The following SRRM1 variants were observed in gnomAD, a reference collection of about 807,000 sequenced individuals.
The protein encoded by SRRM1 is serine and arginine repetitive matrix 1.
A neutral mutation model predicts 110.2 loss-of-function variants in SRRM1; 19 were observed. That is an observed-to-expected ratio of 0.17 (90% CI 0.12 to 0.25). The LOEUF (loss-of-function observed/expected upper bound fraction) is 0.25, where lower values mean the gene tolerates loss of function less well. Ranked by LOEUF, SRRM1 falls within the 10% of genes least tolerant of loss-of-function variation. The pLI, the probability that SRRM1 is intolerant of heterozygous loss-of-function variation, is 1.00. For synonymous variants in SRRM1, 443 were observed against 414.9 expected (o/e 1.07, Z -0.82); for missense variants, 918 against 1,145.8 (o/e 0.80, Z 2.87).
At chr1:24,669,839 T>C in intron 14 of SRRM1, 1 of 559,676 alleles carries the variant, frequency 1.8e-6, no homozygotes, top group Non-Finnish European at 3.1e-6. Context: ...AAACTAAACT[T>C]GAGTAAGACA....
At chr1:24,657,379 T>G (rs1357483970) in intron 9 of SRRM1, among the ~76,000 whole-genome samples, 1 of 152,222 alleles carries the variant, frequency 6.6e-6, no homozygotes, top group Non-Finnish European at 1.5e-5. Flanking sequence ...AGTGAATACT[T>G]TTCACAACTT....
intron 8 of SRRM1, among the ~76,000 whole-genome samples, chr1:24,654,624 CACAG>C (rs1397236293): frequency 6.6e-6 from 1 of 152,132 alleles, no homozygotes; most frequent in African/African-American, 2.4e-5. Flanking sequence ...GGAGAGAGAA[CACAG>C]ACAGAAGTAT....
intron 5 of SRRM1, 127 bp from the exon 6 acceptor site, chr1:24,651,282 T>C: frequency 1.1e-5 from 8 of 745,444 alleles, no homozygotes; most frequent in Middle Eastern, 3.5e-4. Context: ...GCATGTCTTA[T>C]TTCCATAGGG....
intron 9 of SRRM1, 28 bp downstream of exon 9, chr1:24,655,157 GTCTC>G (rs773044565): frequency 2.5e-6 from 4 of 1,609,050 alleles, no homozygotes; most frequent in East Asian, 4.5e-5. Flanking sequence ...ATGAAACATG[GTCTC>G]TCTTTCTTTG....
At chr1:24,668,019 C>G (rs1670910059) in intron 13 of SRRM1, among the ~76,000 whole-genome samples, 2 of 125,120 alleles carry the variant, frequency 1.6e-5, no homozygotes, top group South Asian at 5.1e-4. Context: ...GTCACCCAGG[C>G]TGGAGTGCAG....
Position 24,655,002 on chromosome 1 carries a change from G to T in SRRM1, c.1188G>T (p.Arg396Ser). 1 of 1,614,094 alleles carries T rather than the reference G, an allele frequency of 6.2e-7. No homozygotes were observed. The highest frequency in any genetic ancestry group is 8.5e-7 in the Non-Finnish European group (1 of 1,180,030). Residue 396 changes from arginine (R) to serine (S), a missense_variant, in exon 9 of 17, where the codon AGG becomes AGT. Physicochemically the swap from Arg to Ser is moderately radical, Grantham distance 110. Transcript: ENST00000323848. ...TATCTCCTTCAGCAAGTCCTCCAAG[G>T]CGAAGGCACAGGCCATCACCTCCTG... is the stretch of plus-strand genomic sequence containing the variant. ...RRLSPSASPP[R>S]RRHRPSPPAT...
rs1395831203 is a variant in SRRM1, at chr1:24,646,553, A to C, written c.112-114A>C. The C allele has an allele frequency of 1.6e-5, 14 of 869,304 alleles. No homozygotes were observed. The East Asian group carries it at 1.6e-4, about 10-fold the overall frequency. The allele number at this position is 869,304 out of a possible 1,614,324, so 53.8% of individuals were successfully genotyped here. ...AAAAAAAAAAAAATTAGCAGATTCT[A>C]CTATGCCAAACAAAAAAACTAAGCT... On this transcript the variant is annotated intron_variant, in intron 2 of 16. Coordinates refer to ENST00000323848, the MANE Select transcript of SRRM1 (RefSeq NM_005839.4).
rs113328642 is a variant in SRRM1 at position 24,646,643 on chromosome 1, T to TTAA, written c.112-22_112-20dup. The TTAA allele has an allele frequency of 6.3e-3, 9,776 of 1,559,508 alleles. 510 individuals carry two copies. The African/African-American group carries it at 0.12, about 19-fold the overall frequency. ...TTTTTTTAGGATTGTGAAGTTGTAC[T>TTAA]TAATTGTTTCTATGTTTCATCAGGT... On this transcript the variant is annotated intron_variant, in intron 2 of 16. Transcript: ENST00000323848.
Position 24,650,010 on chromosome 1 carries a change from G to A in SRRM1, c.445G>A (p.Glu149Lys). Residue 149 changes from glutamate to lysine, a missense_variant, in exon 5 of 17, where the codon GAA (glutamate) becomes AAA (lysine). Glu to Lys is a moderately conservative substitution (Grantham distance 56). Around this residue, in one of 5 missense-constraint regions of SRRM1, gnomAD observed 456 missense variants for 453.5 expected, o/e 1.01. Transcript: ENST00000323848. ...ACTGGCATCTATGAAAAAGCAAGAT[G>A]AAGACAAAGATAAAAGAGATAAGGA... is the stretch of plus-strand genomic sequence containing the variant. ...EKLASMKKQD[E>K]DKDKRDKEEK... is the part of the protein sequence containing the mutation. 2 of 1,595,286 alleles carry A rather than the reference G, an allele frequency of 1.3e-6. No individual in the cohort carries two copies. Among genetic ancestry groups the A allele is most frequent in the African/African-American group, 1.3e-5 (1 of 74,222 alleles).
At chr1:24,647,432 G>A (rs951213000) in intron 3 of SRRM1, 30 of 152,406 alleles carry the variant, frequency 2.0e-4, no homozygotes, top group African/African-American at 6.3e-4. Context: ...TTTAGAGACA[G>A]GATTTTTGTT....
chr1:24,671,561 A>C lies in SRRM1; in HGVS notation c.2576A>C (p.Gln859Pro). 1.3e-6 allele frequency: 2 copies of C among 1,599,040 alleles called. No homozygotes were observed. The highest frequency in any genetic ancestry group is 1.7e-6 in the Non-Finnish European group (2 of 1,175,740). Residue 859 changes from glutamine to proline, a missense_variant, in exon 16 of 17, where the codon CAG becomes CCG. Physicochemically the swap from Gln to Pro is moderately conservative, Grantham distance 76. Transcript: ENST00000323848. ...AIAAATTTLA[Q>P]EEPVAAPEPK... ...GCAGCTGCCACAACCACATTAGCAC[A>C]GGAAGAGCCAGTGGCAGCGCCAGAG... is the stretch of plus-strand genomic sequence containing the variant.
intron 9 of SRRM1, among the ~76,000 whole-genome samples, chr1:24,657,133 T>C (rs1448798011): frequency 1.3e-5 from 2 of 152,108 alleles, no homozygotes; most frequent in Non-Finnish European, 2.9e-5. Flanking sequence ...CGGGCTGGAG[T>C]GCAGTGGCCC....
intron 9 of SRRM1, among the ~76,000 whole-genome samples, chr1:24,658,073 A>G (rs888409716): frequency 6.6e-6 from 1 of 152,218 alleles, no homozygotes; most frequent in Non-Finnish European, 1.5e-5. Flanking sequence ...AACAACATTA[A>G]CATAAAGTAA....
At chr1:24,665,248 G>A (rs865788121) in intron 12 of SRRM1, among the ~76,000 whole-genome samples, 10 of 152,054 alleles carry the variant, frequency 6.6e-5, no homozygotes, top group Middle Eastern at 3.4e-3. Flanking sequence ...CCAACACGAC[G>A]GAACCCCATC....
At position 24,643,493 on chromosome 1, in the gene SRRM1, C is replaced by T. The variant is rs929608202; in HGVS notation, c.21+146C>T. The T allele has an allele frequency of 9.2e-5, 53 of 579,056 alleles. No homozygotes were observed. In the African/African-American group the frequency reaches 9.9e-4, roughly 11 times the overall value. 35.9% of individuals were successfully genotyped at this position (579,056 alleles called of 1,614,324 possible). A position where few individuals can be genotyped will look rare whatever the true frequency, so the allele number is the denominator to read the frequency against. On this transcript the variant is annotated intron_variant, in intron 1 of 16. Transcript: ENST00000323848. ...CCTAGAGCCGGCGCACCCCCCCCCC[C>T]CCCGTGCGCTGCGGCGGAGACCGGT...
chr1:24,652,029 A>AGTATATATATATAT (rs1661006949), intron 6 of SRRM1, among the ~76,000 whole-genome samples: 1 of 79,846 alleles, frequency 1.3e-5, no homozygotes, highest in African/African-American at 4.2e-5. Flanking sequence ...CTGTACTAAA[A>AGTATATATATATAT]ATATATATAT....
intron 9 of SRRM1, among the ~76,000 whole-genome samples, chr1:24,660,248 GTTTAC>G (rs938656848): frequency 1.3e-5 from 2 of 152,120 alleles, no homozygotes; most frequent in Admixed American, 1.3e-4. Context: ...GCACACAGAG[GTTTAC>G]TTTACTGAGC....
At chr1:24,649,902 G>A (rs977893512) in intron 4 of SRRM1, 69 bp from the exon 5 acceptor site, 13 of 1,390,528 alleles carry the variant, frequency 9.3e-6, no homozygotes, top group East Asian at 2.6e-5. Context: ...TTTAACACAC[G>A]TAGAAAGTAG....
rs375844564 is a variant in SRRM1, at chr1:24,672,981, T to C, written c.*695T>C. On this transcript the variant is annotated 3_prime_UTR_variant, in exon 17 of 17. Transcript: ENST00000323848. ...TGGTTTTGTTTTTTTTGTTTTGTTT[T>C]TTTTCTTTTGTAAAGGCAATGAGCT... 2.0e-4 allele frequency: 30 copies of C among 152,320 alleles called. No individual in the cohort carries two copies. The highest frequency in any genetic ancestry group is 6.7e-4 in the African/African-American group (28 of 41,566). The allele number at this position is 152,320 out of a possible 1,614,324, so 9.4% of individuals were successfully genotyped here.
Sources: gnomAD v4.1 joint callset for allele counts (sites outside exome capture counted in the v4.1 genomes callset) on GRCh38, gnomAD v4.1.1 for gene constraint, gnomAD v4.1.1 regional missense constraint, MANE v1.5 for transcripts, NCBI Gene and HGNC (gene_info 2026-07-23, HGNC 2026-07-21) for gene names.